Variants in RAPGEF4 observed in about 807,000 individuals in gnomAD.
The protein encoded by RAPGEF4 is RAP guanine-nucleotide-exchange factor (GEF) 4.
RAPGEF4 carries 66 observed loss-of-function variants against 147.9 expected under a neutral mutation model. The observed-to-expected ratio is 0.45, with a 90% CI of 0.37 to 0.55. The LOEUF (loss-of-function observed/expected upper bound fraction) is 0.55, where lower values mean the gene tolerates loss of function less well. Ranked by LOEUF, RAPGEF4 falls within the 20% of genes least tolerant of loss-of-function variation. The pLI is 0.00. For synonymous variants in RAPGEF4, 419 were observed against 442.7 expected (o/e 0.95, Z 0.67); for missense variants, 1,071 against 1,257.3 (o/e 0.85, Z 2.24).
chr2:172,769,296 GT>G (rs1439192549), intron 1 of RAPGEF4, among the ~76,000 whole-genome samples: 1 of 152,130 alleles, frequency 6.6e-6, no homozygotes, highest in Non-Finnish European at 1.5e-5. Flanking sequence ...AGGCCAGATG[GT>G]TGAAGCTTAG....
At chr2:172,847,731 C>T (rs976190448) in intron 4 of RAPGEF4, among the ~76,000 whole-genome samples, 8 of 152,074 alleles carry the variant, frequency 5.3e-5, no homozygotes, top group African/African-American at 1.7e-4. Flanking sequence ...AGGGCAGGGA[C>T]GTAGTTTAGT....
chr2:173,021,413 C>G (rs951282726), intron 23 of RAPGEF4, among the ~76,000 whole-genome samples: 5 of 152,160 alleles, frequency 3.3e-5, no homozygotes, highest in Non-Finnish European at 4.4e-5. Flanking sequence ...TTTGGATACA[C>G]GGGGTTTCTC....
At chr2:172,875,436 G>A (rs900774094) in intron 4 of RAPGEF4, among the ~76,000 whole-genome samples, 1 of 152,130 alleles carries the variant, frequency 6.6e-6, no homozygotes, top group African/African-American at 2.4e-5. Flanking sequence ...AAGGTGTAAG[G>A]AAGGGATCCA....
chr2:172,840,485 A>AT (rs1691460546), intron 4 of RAPGEF4, among the ~76,000 whole-genome samples: 1 of 152,184 alleles, frequency 6.6e-6, no homozygotes, highest in South Asian at 2.1e-4. Context: ...CCTCTGTGCC[A>AT]TTCTCTTAGT....
chr2:172,821,638 C>T, intron 4 of RAPGEF4: 1 of 1,017,904 alleles, frequency 9.8e-7, no homozygotes, highest in Non-Finnish European at 1.2e-6. Flanking sequence ...ATGTCTGCAC[C>T]AGGGTCTCAT....
chr2:172,975,359 G>T (rs72896056), intron 10 of RAPGEF4, among the ~76,000 whole-genome samples: 3,960 of 152,144 alleles, frequency 0.026, 70 homozygotes, highest in South Asian at 0.059. Context: ...TCTCACATCC[G>T]TCCCCTCTTT....
chr2:172,926,029 GGGACGGAGGGAGGGAGGGAGGGAGGGA>G (rs1685311265), intron 6 of RAPGEF4, among the ~76,000 whole-genome samples: 1 of 69,170 alleles, frequency 1.4e-5, no homozygotes, highest in African/African-American at 5.7e-5. Context: ...GAGGGAGGGA[GGGACGGAGGGAGGGAGGGAGGGAGGGA>G]GGGAGGGAAG....
At chr2:173,044,188 A>G (rs1685128770) in intron 29 of RAPGEF4, among the ~76,000 whole-genome samples, 1 of 147,406 alleles carries the variant, frequency 6.8e-6, no homozygotes, top group Non-Finnish European at 1.5e-5. Context: ...AACTTTCTGG[A>G]AAAGGGGCCA....
chr2:172,793,376 C>A (rs1429818923), intron 1 of RAPGEF4, among the ~76,000 whole-genome samples: 2 of 152,136 alleles, frequency 1.3e-5, no homozygotes, highest in Non-Finnish European at 1.5e-5. Context: ...CCCATAACAC[C>A]CTTCAAAGTT....
chr2:172,994,710 G>A (rs1008973878), intron 15 of RAPGEF4, among the ~76,000 whole-genome samples: 1 of 152,178 alleles, frequency 6.6e-6, no homozygotes, highest in African/African-American at 2.4e-5. Context: ...AATTAATTGA[G>A]CAATATTCTC....
chr2:172,987,779 G>A (rs961937429), intron 12 of RAPGEF4, among the ~76,000 whole-genome samples: 6 of 152,192 alleles, frequency 3.9e-5, no homozygotes, highest in Non-Finnish European at 7.3e-5. Context: ...CCATGGATAC[G>A]AAGGGACAAG....
At chr2:172,844,946 C>A (rs1052881215) in intron 4 of RAPGEF4, among the ~76,000 whole-genome samples, 6 of 152,174 alleles carry the variant, frequency 3.9e-5, no homozygotes, top group Admixed American at 6.5e-5. Context: ...GACCCTGGTT[C>A]CTGCCCCTAA....
chr2:172,741,090 C>T (rs1368512149), intron 1 of RAPGEF4, among the ~76,000 whole-genome samples: 2 of 152,186 alleles, frequency 1.3e-5, no homozygotes, highest in Non-Finnish European at 2.9e-5. Flanking sequence ...CCTAGAGCAA[C>T]AGAGCCTGGG....
intron 1 of RAPGEF4, among the ~76,000 whole-genome samples, chr2:172,775,191 C>A (rs1275036971): frequency 6.6e-6 from 1 of 152,150 alleles, no homozygotes; most frequent in Non-Finnish European, 1.5e-5. Flanking sequence ...AACAAGACTC[C>A]TTTCTGCAAC....
intron 15 of RAPGEF4, among the ~76,000 whole-genome samples, chr2:172,996,021 C>G (rs114176383): frequency 2.0e-5 from 3 of 152,114 alleles, no homozygotes; most frequent in African/African-American, 7.2e-5. Context: ...CAGAAATAGG[C>G]GGGGGAATCC....
intron 10 of RAPGEF4, among the ~76,000 whole-genome samples, chr2:172,968,768 T>C (rs1445001340): frequency 1.3e-5 from 2 of 152,210 alleles, no homozygotes; most frequent in South Asian, 2.1e-4. Flanking sequence ...ATGCTTTCTC[T>C]GCCCTGAAGG....
chr2:173,003,886 T>C (rs1477594987), intron 17 of RAPGEF4, among the ~76,000 whole-genome samples: 1 of 152,236 alleles, frequency 6.6e-6, no homozygotes, highest in Non-Finnish European at 1.5e-5. Flanking sequence ...TTAACCCCTA[T>C]GTTTTTAACG....
At position 172,772,901 on chromosome 2, in the gene RAPGEF4, A is replaced by G. The variant is rs994431679; in HGVS notation, c.66-22124A>G. On this transcript the variant is annotated intron_variant, in intron 1 of 30. Coordinates refer to ENST00000397081, the MANE Select transcript of RAPGEF4 (RefSeq NM_007023.4). ...CCCAGGGTTGCTAACAGTGAATCAC[A>G]AGCACGTGCTTTCTGAATCTGCTTA... Among the ~76,000 whole-genome samples, 43 of 152,172 alleles carry G rather than the reference A, an allele frequency of 2.8e-4. 1 individual carries two copies. Among genetic ancestry groups the G allele is most frequent in the Admixed American group, 7.2e-4 (11 of 15,280 alleles).
upstream of RAPGEF4, among the ~76,000 whole-genome samples, chr2:172,735,627 C>T (rs942393667): frequency 6.6e-6 from 1 of 151,988 alleles, no homozygotes; most frequent in African/African-American, 2.4e-5. Flanking sequence ...ACGCAGCGGA[C>T]ACCTGTCGCA....
Sources: gnomAD v4.1 joint callset for allele counts (sites outside exome capture counted in the v4.1 genomes callset) on GRCh38, gnomAD v4.1.1 for gene constraint, MANE v1.5 for transcripts, NCBI Gene and HGNC (gene_info 2026-07-23, HGNC 2026-07-21) for gene names.